Variants in CERKL observed in about 807,000 individuals in gnomAD.
CERKL encodes ceramide kinase-like protein.
CERKL carries 61 observed loss-of-function variants against 63.4 expected under a neutral mutation model. The observed-to-expected ratio is 0.96, with a 90% confidence interval of 0.78 to 1.19. The LOEUF is 1.19. CERKL is among the 50% of genes most tolerant of loss of function. The probability of loss-of-function intolerance (pLI) is 0.00; values close to 1 mark genes in which losing one functional copy is unlikely to be tolerated. For synonymous variants in CERKL, 250 were observed against 230.5 expected, an observed-to-expected ratio of 1.08 and a Z score of -0.77; for missense variants, 675 against 655.5, an observed-to-expected ratio of 1.03 and a Z score of -0.33.
rs1432205059 is a variant in CERKL at position 181,536,769 on chromosome 2, A to G, written c.*1415T>C. On this transcript the variant is annotated 3_prime_UTR_variant, in exon 13 of 13. Coordinates refer to ENST00000410087, the MANE Select transcript of CERKL (RefSeq NM_201548.5). ...ATTTTAAAAAATTTCTTTAAATACA[A>G]TCATTTTTGTAATATTTATTTTATG... is the stretch of plus-strand genomic sequence containing the variant. 1 of 247,932 alleles carries G rather than the reference A, an allele frequency of 4.0e-6. No homozygotes were observed. Among genetic ancestry groups the G allele is most frequent in the South Asian group, 4.6e-5 (1 of 21,828 alleles). The allele number at this position is 247,932 out of a possible 1,614,324, so 15.4% of individuals were successfully genotyped here.
At chr2:181,571,679 A>G (rs1364272588) in intron 3 of CERKL, among the ~76,000 whole-genome samples, 1 of 152,106 alleles carries the variant, frequency 6.6e-6, no homozygotes, top group Non-Finnish European at 1.5e-5. Flanking sequence ...TGTAGTATAC[A>G]TTGTTGAGAG....
chr2:181,585,937 CG>C (rs1391811016), intron 2 of CERKL, among the ~76,000 whole-genome samples: 1 of 152,104 alleles, frequency 6.6e-6, no homozygotes, highest in Non-Finnish European at 1.5e-5. Flanking sequence ...TCATCCCCAT[CG>C]GGGCACAGAG....
intron 1 of CERKL, among the ~76,000 whole-genome samples, chr2:181,609,107 T>C (rs747709725): frequency 3.9e-5 from 6 of 151,996 alleles, no homozygotes; most frequent in Non-Finnish European, 7.3e-5. Flanking sequence ...ATTCTCTTTA[T>C]TTTCTTTTAT....
At chr2:181,557,251 C>G (rs887191263) in intron 5 of CERKL, among the ~76,000 whole-genome samples, 1 of 152,040 alleles carries the variant, frequency 6.6e-6, no homozygotes, top group Admixed American at 6.6e-5. Flanking sequence ...TTAATTAGAT[C>G]CCATTTGTCA....
intron 1 of CERKL, among the ~76,000 whole-genome samples, chr2:181,635,743 A>G (rs1362439452): frequency 6.6e-6 from 1 of 152,192 alleles, no homozygotes; most frequent in African/African-American, 2.4e-5. Flanking sequence ...ATTAGACAAA[A>G]TAATACCAAC....
intron 2 of CERKL, among the ~76,000 whole-genome samples, chr2:181,588,267 C>A (rs1290886623): frequency 2.6e-5 from 4 of 152,160 alleles, no homozygotes; most frequent in Non-Finnish European, 5.9e-5. Flanking sequence ...CTCAGCCTAT[C>A]GCATACCCCT....
At chr2:181,595,918 T>G (rs980469326) in intron 2 of CERKL, among the ~76,000 whole-genome samples, 1 of 152,180 alleles carries the variant, frequency 6.6e-6, no homozygotes, top group African/African-American at 2.4e-5. Flanking sequence ...AAATGGAACC[T>G]ACTAAATGCT....
chr2:181,636,121 C>T (rs1377999950), intron 1 of CERKL, among the ~76,000 whole-genome samples: 1 of 152,154 alleles, frequency 6.6e-6, no homozygotes, highest in Non-Finnish European at 1.5e-5. Context: ...AAGCTACTTC[C>T]CTTCTGTTTA....
intron 2 of CERKL, among the ~76,000 whole-genome samples, chr2:181,576,787 T>C (rs1684246057): frequency 1.3e-5 from 2 of 152,252 alleles, no homozygotes; most frequent in African/African-American, 4.8e-5. Context: ...TTTGAAGGTA[T>C]AGCTGACAGC....
intron 3 of CERKL, among the ~76,000 whole-genome samples, chr2:181,571,590 C>A (rs1288485630): frequency 2.6e-5 from 4 of 152,098 alleles, no homozygotes; most frequent in Non-Finnish European, 4.4e-5. Flanking sequence ...AAAATTTACA[C>A]CAACTGTGGA....
At chr2:181,629,811 CCA>C (rs1686872686) in intron 1 of CERKL, among the ~76,000 whole-genome samples, 2 of 151,930 alleles carry the variant, frequency 1.3e-5, no homozygotes, top group African/African-American at 4.8e-5. Context: ...TGACCAAGTT[CCA>C]CAGAGTTAGA....
intron 3 of CERKL, among the ~76,000 whole-genome samples, chr2:181,566,592 T>G (rs940931486): frequency 6.6e-6 from 1 of 152,118 alleles, no homozygotes; most frequent in Non-Finnish European, 1.5e-5. Flanking sequence ...CTGGAACTGT[T>G]AGACTAAAAA....
At chr2:181,572,605 C>T (rs1357951023) in intron 3 of CERKL, among the ~76,000 whole-genome samples, 2 of 152,010 alleles carry the variant, frequency 1.3e-5, no homozygotes, top group South Asian at 4.1e-4. Flanking sequence ...TGAATTTTCT[C>T]TTTTACTTGT....
rs192453561 is a variant in CERKL at position 181,550,148 on chromosome 2, T to C, written c.821-440A>G. 6.6e-6 allele frequency among the ~76,000 whole-genome samples: 1 copy of C among 151,980 alleles called. No homozygotes were observed. On this transcript the variant is annotated intron_variant, in intron 5 of 12. Transcript: ENST00000410087. This position sits in a 1 kb window ranked among gnomAD's most constrained non-coding sequence, Gnocchi z 4.5. ...TAATCCAAATAATAACTCAGAAAAA[T>C]AAAATAACTACAAACTACAAAAAAT...
intron 1 of CERKL, among the ~76,000 whole-genome samples, chr2:181,620,076 T>C (rs1686381647): frequency 6.6e-6 from 1 of 152,194 alleles, no homozygotes; most frequent in African/African-American, 2.4e-5. Flanking sequence ...TGGGCAACTG[T>C]TGCTATGAGA....
chr2:181,653,006 C>G (rs570051808), intron 1 of CERKL, among the ~76,000 whole-genome samples: 120 of 152,320 alleles, frequency 7.9e-4, no homozygotes, highest in African/African-American at 2.8e-3. Context: ...ATCTTCTGAC[C>G]TCGTGATCTG....
intron 1 of CERKL, among the ~76,000 whole-genome samples, chr2:181,604,394 T>A (rs989158382): frequency 6.6e-6 from 1 of 152,144 alleles, no homozygotes; most frequent in African/African-American, 2.4e-5. Flanking sequence ...CCAAAAAAAT[T>A]CATCATTTGT....
intron 1 of CERKL, among the ~76,000 whole-genome samples, chr2:181,635,784 T>G (rs775180805): frequency 1.3e-5 from 2 of 152,160 alleles, no homozygotes; most frequent in Non-Finnish European, 2.9e-5. Flanking sequence ...ATGAAGAACT[T>G]TTAAGCTTAA....
intron 3 of CERKL, among the ~76,000 whole-genome samples, chr2:181,568,886 C>T (rs1688784617): frequency 6.7e-6 from 1 of 149,126 alleles, no homozygotes; most frequent in Non-Finnish European, 1.5e-5. Flanking sequence ...CTTCCTGTGT[C>T]CATGATTTTC....
Sources: gnomAD v4.1 joint callset for allele counts (sites outside exome capture counted in the v4.1 genomes callset) on GRCh38, gnomAD v4.1.1 for gene constraint, Gnocchi (gnomAD v3.1) non-coding constraint, MANE v1.5 for transcripts, NCBI Gene and HGNC (gene_info 2026-07-23, HGNC 2026-07-21) for gene names.